ATF7IP: variants seen among roughly 807,000 people sequenced by gnomAD.
The protein encoded by ATF7IP is activating transcription factor 7 interacting protein, also known as activating transcription factor 7-interacting protein 1.
Under a neutral mutation model 106.4 loss-of-function variants are expected in ATF7IP, and 23 were observed. The observed-to-expected ratio is 0.22, with a 90% CI of 0.16 to 0.31. ATF7IP has a LOEUF of 0.31. Among genes scored for constraint, ATF7IP ranks in the 10% least tolerant of loss-of-function variants. ATF7IP has a pLI of 1.00. For missense variants in ATF7IP, 1,334 were observed against 1,524.3 expected (o/e 0.88, Z 2.08); for synonymous variants, 542 against 539.0 (o/e 1.01, Z -0.08).
chr12:14,469,986 A>G lies in ATF7IP; in HGVS notation c.2862+3396A>G, dbSNP rs1042845016. ...GTGACATTTTTCTATATAAGTGGCC[A>G]TGGCATTGGAAACTCAGGATCCCAA... On this transcript the variant is annotated intron_variant, in intron 10 of 14. Transcript: ENST00000261168. 5.9e-5 allele frequency among the ~76,000 whole-genome samples: 9 copies of G among 152,322 alleles called. No homozygotes were observed. In the East Asian group the frequency reaches 1.2e-3, roughly 20 times the overall value.
chr12:14,382,942 G>T (rs750167953), intron 1 of ATF7IP, among the ~76,000 whole-genome samples: 4 of 152,186 alleles, frequency 2.6e-5, no homozygotes, highest in Non-Finnish European at 5.9e-5. Context: ...GTTGAATCAT[G>T]TAGAGGATAT....
At chr12:14,381,876 TTTC>T (rs910739063) in intron 1 of ATF7IP, among the ~76,000 whole-genome samples, 3 of 151,528 alleles carry the variant, frequency 2.0e-5, no homozygotes, top group Non-Finnish European at 4.4e-5. Flanking sequence ...AGTTTTTTTT[TTTC>T]TTTCTTTACT....
chr12:14,494,370 CTATA>C (rs1183791597), intron 13 of ATF7IP, among the ~76,000 whole-genome samples: 2 of 102,836 alleles, frequency 1.9e-5, no homozygotes, highest in Non-Finnish European at 4.0e-5. Flanking sequence ...CATATGTTTC[CTATA>C]TATAGTATTC....
intron 10 of ATF7IP, among the ~76,000 whole-genome samples, chr12:14,469,682 G>A (rs1305539093): frequency 2.6e-5 from 4 of 152,058 alleles, no homozygotes; most frequent in African/African-American, 4.8e-5. Flanking sequence ...CTTTAAGTTT[G>A]CTGATTTGCT....
intron 6 of ATF7IP, among the ~76,000 whole-genome samples, chr12:14,451,978 G>T (rs11055976): frequency 0.29 from 44,270 of 152,060 alleles, 7,957 homozygotes; most frequent in Admixed American, 0.45. Context: ...CTATCATTGT[G>T]TTACTGTCTG....
intron 4 of ATF7IP, 151 bp from the exon 5 acceptor site, chr12:14,437,979 G>C: frequency 5.2e-6 from 3 of 578,564 alleles, no homozygotes. Flanking sequence ...CGTGAACCCG[G>C]GAGGCGGAGC....
intron 1 of ATF7IP, among the ~76,000 whole-genome samples, chr12:14,395,550 G>A (rs971437288): frequency 2.6e-5 from 4 of 152,062 alleles, no homozygotes; most frequent in Non-Finnish European, 5.9e-5. Flanking sequence ...ATAGAAATCA[G>A]TTTTAGATCT....
intron 1 of ATF7IP, among the ~76,000 whole-genome samples, chr12:14,410,579 A>C (rs1236167042): frequency 1.3e-5 from 2 of 152,174 alleles, no homozygotes; most frequent in Admixed American, 6.5e-5. Context: ...GAAAAGATTA[A>C]AATTTTTGAC....
intron 1 of ATF7IP, among the ~76,000 whole-genome samples, chr12:14,384,017 C>CT (rs1224727142): frequency 6.6e-6 from 1 of 151,932 alleles, no homozygotes; most frequent in East Asian, 1.9e-4. Context: ...ACATAAGGAC[C>CT]TTTTAAAGAT....
chr12:14,494,212 T>C (rs980987127), intron 13 of ATF7IP, among the ~76,000 whole-genome samples: 1 of 146,804 alleles, frequency 6.8e-6, no homozygotes, highest in African/African-American at 2.5e-5. Context: ...ATCCTTAATA[T>C]TCTGTTCCTC....
intron 5 of ATF7IP, among the ~76,000 whole-genome samples, chr12:14,439,840 A>AATCCATCCGTCC (rs1555122704): frequency 1.3e-5 from 2 of 148,606 alleles, no homozygotes. Flanking sequence ...CTCCAAAATA[A>AATCCATCCGTCC]ATCCATCCAT....
chr12:14,447,903 C>T (rs879866601), intron 6 of ATF7IP, among the ~76,000 whole-genome samples: 8 of 152,090 alleles, frequency 5.3e-5, no homozygotes, highest in Non-Finnish European at 5.9e-5. Context: ...AAATTGACTT[C>T]CATAGTCTGG....
intron 13 of ATF7IP, among the ~76,000 whole-genome samples, chr12:14,484,900 T>C (rs1439964584): frequency 6.6e-6 from 1 of 152,214 alleles, no homozygotes; most frequent in Non-Finnish European, 1.5e-5. Context: ...GATAGTCATC[T>C]CAGGTCACAT....
In ATF7IP at chr12:14,424,007, A is replaced by G; in HGVS notation, c.92A>G (p.Lys31Arg). ...CGTCAGCAACTTGAAGCAGTGTACA[A>G]GGTCAAAGAAGAACTGTTGAAAACT... is the stretch of plus-strand genomic sequence containing the variant. ...SDRQQLEAVY[K>R]VKEELLKTDV... Residue 31 changes from lysine (K) to arginine (R), a missense_variant, in exon 2 of 15, where the codon AAG (lysine) becomes AGG (arginine). This residue lies in a region of ATF7IP where 74 missense variants were observed against 101.9 expected (regional missense o/e 0.73). Transcript: ENST00000261168. 1 of 1,614,200 alleles carries G rather than the reference A, an allele frequency of 6.2e-7. No homozygotes were observed. The highest frequency in any genetic ancestry group is 8.5e-7 in the Non-Finnish European group (1 of 1,180,028).
At chr12:14,446,812 ATAACTG>A (rs1360161627) in intron 5 of ATF7IP, among the ~76,000 whole-genome samples, 170 bp from the exon 6 acceptor site, 1 of 152,164 alleles carries the variant, frequency 6.6e-6, no homozygotes, top group African/African-American at 2.4e-5. Flanking sequence ...AGTTTTAGTC[ATAACTG>A]TATTTTCCAA....
chr12:14,429,669 G>C (rs1469046614), intron 2 of ATF7IP, among the ~76,000 whole-genome samples: 2 of 152,154 alleles, frequency 1.3e-5, no homozygotes, highest in African/African-American at 4.8e-5. Context: ...AGTATTGATA[G>C]AATTGGCATG....
At chr12:14,405,297 A>T (rs1479084823) in intron 1 of ATF7IP, among the ~76,000 whole-genome samples, 1 of 151,472 alleles carries the variant, frequency 6.6e-6, no homozygotes, top group Non-Finnish European at 1.5e-5. Flanking sequence ...ACAAAGAGGG[A>T]TAACCAGCAA....
intron 1 of ATF7IP, among the ~76,000 whole-genome samples, chr12:14,396,989 C>T (rs1473432111): frequency 6.6e-6 from 1 of 152,044 alleles, no homozygotes; most frequent in Non-Finnish European, 1.5e-5. Context: ...GGTGAAACCC[C>T]GTTTCTACTA....
rs779797304 is a variant in ATF7IP at position 14,457,242 on chromosome 12, A to G, written c.2105A>G (p.Lys702Arg). 2 of 1,613,962 alleles carry G rather than the reference A, an allele frequency of 1.2e-6. No homozygotes were observed. The highest frequency in any genetic ancestry group is 1.7e-6 in the Non-Finnish European group (2 of 1,179,960). Residue 702 changes from lysine (K) to arginine (R), a missense_variant, in exon 8 of 15, where the codon AAA becomes AGA. This residue lies in a region of ATF7IP where 171 missense variants were observed against 172.6 expected (regional missense o/e 0.99). Transcript: ENST00000261168. ...AGTVRQMLES[K>R]RNVSESAPPS... Reference sequence around the variant, plus strand: ...ACAGTGAGACAGATGCTGGAGTCCAAAAGAAATGTAAGCGAGAGTGCACCA... The same window carrying G: ...ACAGTGAGACAGATGCTGGAGTCCAGAAGAAATGTAAGCGAGAGTGCACCA...
Sources: allele counts gnomAD v4.1 joint callset (sites outside exome capture counted in the v4.1 genomes callset), GRCh38; gene constraint gnomAD v4.1.1; regional missense constraint gnomAD v4.1.1; transcripts MANE v1.5; gene names NCBI Gene and HGNC (gene_info 2026-07-23, HGNC 2026-07-21).